The following SYT1 variants were observed in gnomAD, a reference collection of about 807,000 sequenced individuals.
The protein encoded by SYT1 is synaptotagmin 1, also known as synaptotagmin-1.
A neutral mutation model predicts 44.8 loss-of-function variants in SYT1; 8 were observed. That is an observed-to-expected ratio of 0.18 (90% CI 0.10 to 0.32). SYT1 has a LOEUF of 0.32. Ranked by LOEUF, SYT1 falls within the 10% of genes least tolerant of loss-of-function variation. SYT1 has a pLI of 1.00. For synonymous variants in SYT1, 154 were observed against 188.8 expected (o/e 0.82, Z 1.51); for missense variants, 286 against 509.3 (o/e 0.56, Z 4.22).
At chr12:79,185,136 G>T (rs1284603192) in intron 3 of SYT1, among the ~76,000 whole-genome samples, 1 of 151,968 alleles carries the variant, frequency 6.6e-6, no homozygotes, top group Non-Finnish European at 1.5e-5. Context: ...ATTGACCTAA[G>T]ACATTATTTA....
intron 3 of SYT1, among the ~76,000 whole-genome samples, chr12:79,206,933 C>A (rs1473983568): frequency 6.6e-6 from 1 of 152,166 alleles, no homozygotes; most frequent in Admixed American, 6.5e-5. Context: ...CAGATGTGAG[C>A]CCTGGGATCA....
intron 3 of SYT1, among the ~76,000 whole-genome samples, chr12:79,093,246 T>G (rs539023434): frequency 3.3e-5 from 5 of 151,746 alleles, no homozygotes; most frequent in Non-Finnish European, 7.4e-5. Context: ...TAATTTTGAT[T>G]TGGAGAAGGT....
At chr12:79,015,083 G>T (rs1300432304) in intron 2 of SYT1, among the ~76,000 whole-genome samples, 2 of 151,804 alleles carry the variant, frequency 1.3e-5, no homozygotes, top group Non-Finnish European at 2.9e-5. Context: ...AGAGGGGAGG[G>T]ATAGCATTAG....
intron 4 of SYT1, among the ~76,000 whole-genome samples, chr12:79,279,693 T>C (rs531902877): frequency 1.8e-4 from 27 of 152,156 alleles, no homozygotes; most frequent in African/African-American, 6.0e-4. Flanking sequence ...AGCATCCACA[T>C]TGGAAAAGAG....
chr12:78,967,065 C>T (rs994178248), intron 1 of SYT1, among the ~76,000 whole-genome samples: 1 of 152,126 alleles, frequency 6.6e-6, no homozygotes, highest in Non-Finnish European at 1.5e-5. Context: ...AGTCAGCCTA[C>T]CCCAATGATG....
chr12:79,196,847 G>A (rs7309534), intron 3 of SYT1, among the ~76,000 whole-genome samples: 9,394 of 152,188 alleles, frequency 0.062, 580 homozygotes, highest in African/African-American at 0.16. Flanking sequence ...AATATTAAGA[G>A]CATTAAAGAT....
At chr12:79,155,962 A>C (rs963609680) in intron 3 of SYT1, among the ~76,000 whole-genome samples, 11 of 152,244 alleles carry the variant, frequency 7.2e-5, no homozygotes, top group African/African-American at 2.2e-4. Context: ...TGTGTGGAGC[A>C]AATTACTAAA....
At chr12:79,445,232 C>CAT (rs1391861470) in intron 10 of SYT1, among the ~76,000 whole-genome samples, 1 of 152,038 alleles carries the variant, frequency 6.6e-6, no homozygotes, top group South Asian at 2.1e-4. Flanking sequence ...GTAATGTTTT[C>CAT]ATATATATAA....
intron 9 of SYT1, among the ~76,000 whole-genome samples, chr12:79,388,654 T>C (rs1884535105): frequency 1.3e-5 from 2 of 152,126 alleles, no homozygotes; most frequent in South Asian, 4.1e-4. Context: ...GCGGTTGCAA[T>C]GAGCCAGGAT....
intron 9 of SYT1, among the ~76,000 whole-genome samples, chr12:79,357,597 T>C (rs1009365744): frequency 6.6e-6 from 1 of 152,188 alleles, no homozygotes; most frequent in Non-Finnish European, 1.5e-5. Flanking sequence ...AGTATTATAA[T>C]CTTATGGGAC....
intron 4 of SYT1, among the ~76,000 whole-genome samples, chr12:79,248,857 AT>A (rs1164692280): frequency 2.0e-5 from 3 of 152,294 alleles, no homozygotes; most frequent in Admixed American, 1.3e-4. Context: ...CACATAACTG[AT>A]TGTATAGAAA....
Position 78,938,384 on chromosome 12 carries a change from T to C in SYT1, c.-216-39415T>C, listed in dbSNP as rs1252368777. On this transcript the variant is annotated intron_variant, in intron 1 of 10. Coordinates refer to ENST00000261205, the MANE Select transcript of SYT1 (RefSeq NM_005639.3). ...TAGTAGTGGAATAGAAATTGAGAAATGTGGCTCTACTGATAAGGAAACCTT... is the reference window on the plus strand; with the variant it reads ...TAGTAGTGGAATAGAAATTGAGAAACGTGGCTCTACTGATAAGGAAACCTT... Among the ~76,000 whole-genome samples, 3 of 152,174 alleles carry C rather than the reference T, an allele frequency of 2.0e-5. No individual in the cohort carries two copies. In the East Asian group the frequency reaches 5.8e-4, roughly 29 times the overall value.
intron 3 of SYT1, among the ~76,000 whole-genome samples, chr12:79,058,228 T>C (rs1875111412): frequency 6.6e-6 from 1 of 152,090 alleles, no homozygotes; most frequent in Admixed American, 6.6e-5. Flanking sequence ...AAGATGGATA[T>C]TTATCGACAG....
chr12:79,204,558 T>C (rs568226077), intron 3 of SYT1, among the ~76,000 whole-genome samples: 5 of 152,320 alleles, frequency 3.3e-5, no homozygotes, highest in African/African-American at 1.2e-4. Context: ...TCAACTAAGC[T>C]ATATCTCTTC....
chr12:79,385,673 C>T (rs1383934375), intron 9 of SYT1, among the ~76,000 whole-genome samples: 1 of 151,994 alleles, frequency 6.6e-6, no homozygotes, highest in Non-Finnish European at 1.5e-5. Flanking sequence ...GTGTATTAGG[C>T]CAGAGTTACC....
At chr12:79,355,611 C>T (rs1295580384) in intron 9 of SYT1, among the ~76,000 whole-genome samples, 1 of 152,136 alleles carries the variant, frequency 6.6e-6, no homozygotes, top group African/African-American at 2.4e-5. Context: ...TATGTCCAGC[C>T]TATGTCATGC....
intron 1 of SYT1, among the ~76,000 whole-genome samples, chr12:78,963,472 A>C (rs568487091): frequency 2.0e-5 from 3 of 152,318 alleles, no homozygotes; most frequent in Admixed American, 6.5e-5. Flanking sequence ...AGCAAAAAAA[A>C]CACACTGACA....
intron 1 of SYT1, among the ~76,000 whole-genome samples, chr12:78,876,566 T>C (rs1425508055): frequency 2.9e-5 from 4 of 138,900 alleles, no homozygotes; most frequent in African/African-American, 5.3e-5. Context: ...TGTATATATA[T>C]ACACACATAT....
chr12:79,281,263 A>G (rs925318598), intron 4 of SYT1, among the ~76,000 whole-genome samples: 1 of 152,178 alleles, frequency 6.6e-6, no homozygotes, highest in Non-Finnish European at 1.5e-5. Context: ...GTGCTCATCA[A>G]TGGATGAGTG....
Sources: allele counts gnomAD v4.1 joint callset (sites outside exome capture counted in the v4.1 genomes callset), GRCh38; gene constraint gnomAD v4.1.1; transcripts MANE v1.5; gene names NCBI Gene and HGNC (gene_info 2026-07-23, HGNC 2026-07-21).